Variants in CYREN observed in about 807,000 individuals in gnomAD.
The protein encoded by CYREN is cell cycle regulator of NHEJ.
In CYREN, 7 loss-of-function variants were observed where a neutral mutation model predicts 9.7. That is an observed-to-expected ratio of 0.72 (90% CI 0.41 to 1.36). CYREN has a LOEUF of 1.36. Ranked by LOEUF, CYREN falls within the 40% of genes most tolerant of loss-of-function variation. CYREN has a pLI of 0.01. For missense variants in CYREN, 215 were observed against 198.1 expected (o/e 1.09, Z -0.51); for synonymous variants, 76 against 77.9 (o/e 0.98, Z 0.13).
chr7:135,109,055 A>T (rs923765647), intron 2 of CYREN, among the ~76,000 whole-genome samples: 1 of 151,964 alleles, frequency 6.6e-6, no homozygotes, highest in South Asian at 2.1e-4. Context: ...GTTCTTTTTT[A>T]TACTGCCTAT....
At chr7:135,121,552 G>GAAA (rs76824052) in intron 2 of CYREN, among the ~76,000 whole-genome samples, 2 of 123,628 alleles carry the variant, frequency 1.6e-5, no homozygotes, top group African/African-American at 3.0e-5. Flanking sequence ...AGGGTAATAG[G>GAAA]AAAAAAAAAA....
Position 135,151,669 on chromosome 7 carries a change from T to C in CYREN, n.356+17080A>G, listed in dbSNP as rs558103915. Among the ~76,000 whole-genome samples the C allele has an allele frequency of 6.6e-6, 1 of 152,324 alleles. No homozygotes were observed. The highest frequency in any genetic ancestry group is 1.9e-4 in the East Asian group (1 of 5,188). On this transcript the variant is annotated intron_variant and non_coding_transcript_variant, in intron 2 of 2. Transcript: ENST00000459937. This position sits in a 1 kb window ranked among gnomAD's most constrained non-coding sequence, Gnocchi z 4.3. ...AGTTTGTGTCAGGCCCCAAGCCCTCTATATGTGAGTGAACTTCCTTCAGTC... is the reference window on the plus strand; with the variant it reads ...AGTTTGTGTCAGGCCCCAAGCCCTCCATATGTGAGTGAACTTCCTTCAGTC...
intron 2 of CYREN, chr7:135,129,700 CT>C (rs1470716164): frequency 1.3e-6 from 1 of 765,936 alleles, no homozygotes; most frequent in Admixed American, 1.7e-5. Flanking sequence ...TAGTTAACTA[CT>C]GCTCAAGATA....
intron 2 of CYREN, among the ~76,000 whole-genome samples, chr7:135,149,304 ACTT>A (rs1829615428): frequency 6.6e-6 from 1 of 152,298 alleles, no homozygotes; most frequent in South Asian, 2.1e-4. Context: ...ATTTTCAAAT[ACTT>A]CTTTAGTCTC....
At chr7:135,129,632 A>G in intron 2 of CYREN, 1 of 779,388 alleles carries the variant, frequency 1.3e-6, no homozygotes, top group Non-Finnish European at 2.4e-6. Context: ...CATGTCTTAA[A>G]CAGCTGTTTT....
intron 2 of CYREN, among the ~76,000 whole-genome samples, chr7:135,144,938 T>TAAAAA (rs58443282): frequency 0.044 from 1,986 of 45,652 alleles, 8 homozygotes; most frequent in East Asian, 0.074. Context: ...CTCAAAAGAG[T>TAAAAA]AAAAAAAAAA....
intron 1 of CYREN, 85 bp downstream of exon 1, chr7:135,170,567 C>T (rs895080217): frequency 5.3e-5 from 8 of 152,374 alleles, no homozygotes; most frequent in African/African-American, 1.9e-4. Context: ...TCTCAGGTTC[C>T]CGTCTCCGGC....
At chr7:135,122,055 G>A (rs990907992) in intron 2 of CYREN, among the ~76,000 whole-genome samples, 6 of 152,220 alleles carry the variant, frequency 3.9e-5, no homozygotes, top group Non-Finnish European at 8.8e-5. Flanking sequence ...AGCTGTGTCT[G>A]CCTGCTGTCT....
At chr7:135,105,280 G>C (rs1824509429) in intron 2 of CYREN, among the ~76,000 whole-genome samples, 1 of 152,200 alleles carries the variant, frequency 6.6e-6, no homozygotes, top group African/African-American at 2.4e-5. Context: ...ATGTTGGCCA[G>C]GCTGGTCTTG....
intron 2 of CYREN, among the ~76,000 whole-genome samples, chr7:135,111,229 T>G (rs1825595905): frequency 6.6e-6 from 1 of 152,178 alleles, no homozygotes; most frequent in African/African-American, 2.4e-5. Flanking sequence ...GTGCTCTAGA[T>G]CCCATGTCCA....
At chr7:135,096,107 A>C (rs1822632897) in intron 2 of CYREN, among the ~76,000 whole-genome samples, 1 of 151,754 alleles carries the variant, frequency 6.6e-6, no homozygotes, top group Non-Finnish European at 1.5e-5. Context: ...AGCTGAGATC[A>C]TGCCACTGCA....
At chr7:135,123,666 G>A (rs1827456061) in intron 2 of CYREN, among the ~76,000 whole-genome samples, 1 of 152,082 alleles carries the variant, frequency 6.6e-6, no homozygotes, top group African/African-American at 2.4e-5. Flanking sequence ...ATCTACAAAG[G>A]GAAGCCCATC....
downstream of CYREN, chr7:135,165,115 C>A (rs1461703404): frequency 4.5e-6 from 6 of 1,338,524 alleles, no homozygotes; most frequent in Admixed American, 1.1e-4. Context: ...GAACCCACTA[C>A]AGAGGAGGTG....
Position 135,142,181 on chromosome 7 carries a change from C to T in CYREN, n.356+26568G>A, listed in dbSNP as rs150973655. The stretch of plus-strand genomic sequence containing the variant: ...AGAAAAAGTTGAATTGCTTGATATG[C>T]ACCATAGATTGAGATCTGCAGCTGC... On this transcript the variant is annotated intron_variant and non_coding_transcript_variant, in intron 2 of 2. Coordinates refer to the CYREN transcript ENST00000459937. Among the ~76,000 whole-genome samples, 438 of 150,448 alleles carry T rather than the reference C, an allele frequency of 2.9e-3. 4 individuals are homozygous for T. The highest frequency in any genetic ancestry group is 3.4e-3 in the Middle Eastern group (1 of 294).
At chr7:135,093,324 A>G (rs1358421983) in exon 3 of CYREN, 1 of 152,112 alleles carries the variant, frequency 6.6e-6, no homozygotes, top group Non-Finnish European at 1.5e-5. Flanking sequence ...CCACACTATT[A>G]GCACTAATAA....
At chr7:135,113,129 G>C (rs1055473714) in intron 2 of CYREN, among the ~76,000 whole-genome samples, 1 of 152,204 alleles carries the variant, frequency 6.6e-6, no homozygotes, top group African/African-American at 2.4e-5. Flanking sequence ...TCAAGAAACT[G>C]TAAATAAGTT....
At chr7:135,108,420 G>A (rs1163306154) in intron 2 of CYREN, among the ~76,000 whole-genome samples, 1 of 152,130 alleles carries the variant, frequency 6.6e-6, no homozygotes, top group Admixed American at 6.5e-5. Context: ...AACTCCCTCA[G>A]CATTGGCTTA....
chr7:135,128,691 C>G, intron 2 of CYREN: 1 of 1,318,464 alleles, frequency 7.6e-7, no homozygotes, highest in South Asian at 1.2e-5. Flanking sequence ...TATTGTCTCT[C>G]CTTTTGAGCT....
At chr7:135,109,404 G>A (rs1825271235) in intron 2 of CYREN, among the ~76,000 whole-genome samples, 1 of 152,164 alleles carries the variant, frequency 6.6e-6, no homozygotes, top group Non-Finnish European at 1.5e-5. Context: ...GCCCCAGCAA[G>A]GAGTGGCTGA....
Sources: gnomAD v4.1 joint callset for allele counts (sites outside exome capture counted in the v4.1 genomes callset) on GRCh38, gnomAD v4.1.1 for gene constraint, Gnocchi (gnomAD v3.1) non-coding constraint, MANE v1.5 for transcripts, NCBI Gene and HGNC (gene_info 2026-07-23, HGNC 2026-07-21) for gene names.